Variants in TSHZ2 observed in about 807,000 individuals in gnomAD.
The protein encoded by TSHZ2 is teashirt zinc finger homeobox 2.
Under a neutral mutation model 74.4 loss-of-function variants are expected in TSHZ2, and 21 were observed. The observed-to-expected ratio is 0.28, with a 90% CI of 0.20 to 0.41. The LOEUF is 0.41. Among genes scored for constraint, TSHZ2 ranks in the 10% least tolerant of loss-of-function variants. TSHZ2 has a pLI of 1.00. For synonymous variants in TSHZ2, 540 were observed against 515.3 expected, an observed-to-expected ratio of 1.05 and a Z score of -0.65; for missense variants, 1,244 against 1,293.5, an observed-to-expected ratio of 0.96 and a Z score of 0.59.
chr20:53,433,799 A>G (rs1983939217), intron 2 of TSHZ2, among the ~76,000 whole-genome samples: 1 of 152,092 alleles, frequency 6.6e-6, no homozygotes, highest in African/African-American at 2.4e-5. Context: ...ATCTTTCTCA[A>G]TTGTTAATTG....
chr20:53,280,615 C>T (rs1000655151), intron 2 of TSHZ2, among the ~76,000 whole-genome samples: 1 of 151,970 alleles, frequency 6.6e-6, no homozygotes, highest in African/African-American at 2.4e-5. Context: ...TTTGATTCTT[C>T]TCATCATTTA....
chr20:53,435,082 C>T (rs1983996827), intron 2 of TSHZ2, among the ~76,000 whole-genome samples: 1 of 152,246 alleles, frequency 6.6e-6, no homozygotes, highest in Non-Finnish European at 1.5e-5. Context: ...AGACAGGAAG[C>T]TTTCGGAATC....
chr20:53,135,826 A>G (rs1987232957), intron 1 of TSHZ2, among the ~76,000 whole-genome samples: 1 of 151,856 alleles, frequency 6.6e-6, no homozygotes, highest in Non-Finnish European at 1.5e-5. Flanking sequence ...GCTGGTCTCA[A>G]ACTCCTGGGC....
At chr20:53,242,656 G>GCACA (rs1171299618) in intron 1 of TSHZ2, among the ~76,000 whole-genome samples, 3 of 149,846 alleles carry the variant, frequency 2.0e-5, no homozygotes, top group Non-Finnish European at 4.4e-5. Flanking sequence ...AAACCCATGT[G>GCACA]CACACTTCAA....
chr20:53,473,313 A>G (rs1474496560), intron 2 of TSHZ2, among the ~76,000 whole-genome samples: 4 of 143,216 alleles, frequency 2.8e-5, no homozygotes, highest in African/African-American at 1.1e-4. Context: ...GAGATCTGAG[A>G]ACGGGCAGAC....
intron 1 of TSHZ2, among the ~76,000 whole-genome samples, chr20:53,161,584 C>T (rs118174081): frequency 0.011 from 1,602 of 152,300 alleles, 15 homozygotes; most frequent in Non-Finnish European, 0.016. Context: ...AATCAAGTAA[C>T]TTCTTCATAA....
intron 1 of TSHZ2, among the ~76,000 whole-genome samples, chr20:53,208,869 A>G (rs1186389587): frequency 6.6e-6 from 1 of 152,296 alleles, no homozygotes; most frequent in East Asian, 1.9e-4. Context: ...CTCAGCAGAC[A>G]GCTCTGGGCG....
intron 1 of TSHZ2, among the ~76,000 whole-genome samples, chr20:53,175,161 A>G (rs922644002): frequency 2.1e-5 from 1 of 48,350 alleles, no homozygotes; most frequent in African/African-American, 8.2e-5. Flanking sequence ...TTTTTTTTTC[A>G]ACGGAGTTTT....
intron 2 of TSHZ2, among the ~76,000 whole-genome samples, chr20:53,380,998 C>G (rs1348352110): frequency 6.6e-6 from 1 of 152,138 alleles, no homozygotes; most frequent in Non-Finnish European, 1.5e-5. Context: ...TATGCAGAAT[C>G]CTGCGTTTGT....
At chr20:52,977,748 G>A (rs1390362128) in intron 1 of TSHZ2, among the ~76,000 whole-genome samples, 1 of 152,066 alleles carries the variant, frequency 6.6e-6, no homozygotes, top group Non-Finnish European at 1.5e-5. Flanking sequence ...TTTTTAATCT[G>A]CCATATCAGG....
chr20:53,235,837 G>T (rs1267452661), intron 1 of TSHZ2, among the ~76,000 whole-genome samples: 1 of 152,084 alleles, frequency 6.6e-6, no homozygotes, highest in African/African-American at 2.4e-5. Context: ...GAACATGAAA[G>T]GTCTTTAAGA....
intron 2 of TSHZ2, among the ~76,000 whole-genome samples, chr20:53,282,100 G>C (rs1215493141): frequency 1.3e-5 from 2 of 152,180 alleles, no homozygotes; most frequent in African/African-American, 4.8e-5. Flanking sequence ...CCTGTGGCCA[G>C]GTTCTTATCT....
At chr20:53,194,503 T>C (rs1399368463) in intron 1 of TSHZ2, among the ~76,000 whole-genome samples, 3 of 152,212 alleles carry the variant, frequency 2.0e-5, no homozygotes, top group African/African-American at 7.2e-5. Context: ...TTCAGCATCA[T>C]CCATCAAGTC....
At chr20:53,483,008 T>C (rs891106714) in intron 2 of TSHZ2, among the ~76,000 whole-genome samples, 1 of 152,230 alleles carries the variant, frequency 6.6e-6, no homozygotes, top group African/African-American at 2.4e-5. Flanking sequence ...TCTTCAAGTG[T>C]AGGAACACTG....
intron 1 of TSHZ2, among the ~76,000 whole-genome samples, chr20:53,220,817 AT>A (rs761796750): frequency 4.9e-4 from 74 of 152,200 alleles, no homozygotes; most frequent in Admixed American, 1.4e-3. Flanking sequence ...AAGAAGAAAA[AT>A]TAAACACAGC....
intron 1 of TSHZ2, chr20:53,168,512 T>C (rs1430108350): frequency 6.6e-6 from 1 of 152,236 alleles, no homozygotes; most frequent in South Asian, 2.1e-4. Flanking sequence ...AGAAAACTTA[T>C]GATGAATACT....
At chr20:52,994,632 G>A (rs746146196) in intron 1 of TSHZ2, among the ~76,000 whole-genome samples, 16 of 152,142 alleles carry the variant, frequency 1.1e-4, no homozygotes, top group African/African-American at 1.7e-4. Context: ...CCCTTCAGAC[G>A]AATCCTTCCT....
At chr20:52,991,218 A>G (rs1981974201) in intron 1 of TSHZ2, among the ~76,000 whole-genome samples, 1 of 138,254 alleles carries the variant, frequency 7.2e-6, no homozygotes, top group South Asian at 2.3e-4. Context: ...TGTGTGGATT[A>G]TGTATGTTGT....
intron 1 of TSHZ2, among the ~76,000 whole-genome samples, chr20:53,223,045 C>G (rs958615242): frequency 9.2e-5 from 14 of 152,204 alleles, no homozygotes; most frequent in Admixed American, 2.6e-4. Context: ...TTTAAGTGTT[C>G]AGTATCTACA....
Sources: allele counts gnomAD v4.1 joint callset (sites outside exome capture counted in the v4.1 genomes callset), GRCh38; gene constraint gnomAD v4.1.1; transcripts MANE v1.5; gene names NCBI Gene and HGNC (gene_info 2026-07-23, HGNC 2026-07-21).